Variants in ESRRG observed in about 807,000 individuals in gnomAD.
ESRRG encodes the protein estrogen related receptor gamma.
Under a neutral mutation model 44.0 loss-of-function variants are expected in ESRRG, and 13 were observed. The ratio of observed to expected loss-of-function variants is 0.30; its 90% CI spans 0.19 to 0.47. ESRRG has a LOEUF of 0.47. Ranked by LOEUF, ESRRG falls within the 20% of genes least tolerant of loss-of-function variation. The probability of loss-of-function intolerance (pLI) is 1.00; values close to 1 mark genes in which losing one functional copy is unlikely to be tolerated. For missense variants in ESRRG, 395 were observed against 580.6 expected, an observed-to-expected ratio of 0.68 and a Z score of 3.29; for synonymous variants, 215 against 214.6, an observed-to-expected ratio of 1.00 and a Z score of -0.02.
intron 3 of ESRRG, among the ~76,000 whole-genome samples, chr1:216,578,907 C>T (rs950451872): frequency 2.6e-5 from 4 of 152,042 alleles, no homozygotes; most frequent in Admixed American, 2.6e-4. Context: ...CTAGAGTTAA[C>T]AATTCAACTC....
At chr1:217,085,487 T>A (rs1208384827) in intron 1 of ESRRG, among the ~76,000 whole-genome samples, 8 of 118,880 alleles carry the variant, frequency 6.7e-5, no homozygotes, top group Non-Finnish European at 1.1e-4. Flanking sequence ...TTTCATTTTT[T>A]TTTTTTTTTT....
intron 1 of ESRRG, among the ~76,000 whole-genome samples, chr1:216,706,414 T>C (rs1251842670): frequency 6.6e-6 from 1 of 152,154 alleles, no homozygotes; most frequent in Non-Finnish European, 1.5e-5. Context: ...AACCATATGT[T>C]TACAGCCTTT....
intron 2 of ESRRG, among the ~76,000 whole-genome samples, chr1:216,654,015 T>C (rs1202115709): frequency 2.6e-5 from 4 of 151,272 alleles, no homozygotes; most frequent in African/African-American, 7.3e-5. Flanking sequence ...CCCAGCCTCT[T>C]GGAAGGTCGA....
intron 1 of ESRRG, among the ~76,000 whole-genome samples, chr1:216,967,082 G>A (rs779280209): frequency 1.9e-4 from 29 of 152,066 alleles, no homozygotes; most frequent in Non-Finnish European, 4.0e-4. Flanking sequence ...TTACTGTTTA[G>A]AGTAGTTTTG....
chr1:216,566,669 T>G (rs2059733461), intron 4 of ESRRG, among the ~76,000 whole-genome samples: 2 of 152,216 alleles, frequency 1.3e-5, no homozygotes. Context: ...TAGTGTTTAT[T>G]GCATATTATT....
chr1:217,046,385 C>T (rs1480837489), intron 1 of ESRRG, among the ~76,000 whole-genome samples: 1 of 152,120 alleles, frequency 6.6e-6, no homozygotes, highest in Non-Finnish European at 1.5e-5. Flanking sequence ...GCCAAGTACA[C>T]CTAAATTAGT....
chr1:216,544,537 G>A (rs868027589), intron 5 of ESRRG, among the ~76,000 whole-genome samples: 2 of 151,978 alleles, frequency 1.3e-5, no homozygotes, highest in Admixed American at 6.6e-5. Context: ...CTTAATCTGC[G>A]TTTCATATTT....
At chr1:216,568,213 T>G in intron 3 of ESRRG, 115 bp from the exon 4 acceptor site, 1 of 758,508 alleles carries the variant, frequency 1.3e-6, no homozygotes, top group Non-Finnish European at 2.3e-6. Context: ...GAATGCAGAA[T>G]GGACCAGGGG....
At chr1:216,689,139 T>C (rs2078589701) in intron 1 of ESRRG, among the ~76,000 whole-genome samples, 1 of 152,156 alleles carries the variant, frequency 6.6e-6, no homozygotes, top group African/African-American at 2.4e-5. Flanking sequence ...AAGATTAAAC[T>C]ATGCTCAGTA....
chr1:216,946,175 T>C (rs1388638826), intron 1 of ESRRG, among the ~76,000 whole-genome samples: 1 of 152,160 alleles, frequency 6.6e-6, no homozygotes, highest in African/African-American at 2.4e-5. Flanking sequence ...GAGATCTAAT[T>C]CATCTTTAGG....
chr1:217,136,113 A>G (rs1467389421), intron 1 of ESRRG, among the ~76,000 whole-genome samples: 2 of 151,964 alleles, frequency 1.3e-5, no homozygotes, highest in Admixed American at 1.3e-4. Flanking sequence ...CTTCTCCCCC[A>G]CCCAACAACT....
At chr1:216,562,883 G>A (rs533604045) in intron 5 of ESRRG, among the ~76,000 whole-genome samples, 4 of 152,226 alleles carry the variant, frequency 2.6e-5, no homozygotes, top group African/African-American at 9.6e-5. Flanking sequence ...CACTGTTGAA[G>A]TAAATTCTGG....
intron 2 of ESRRG, among the ~76,000 whole-genome samples, chr1:216,892,095 G>A (rs999675112): frequency 2.6e-5 from 4 of 152,040 alleles, no homozygotes; most frequent in Non-Finnish European, 4.4e-5. Context: ...ATGAGCCACC[G>A]TGCCTGGCTG....
intron 2 of ESRRG, among the ~76,000 whole-genome samples, chr1:216,910,884 GCATGTCTA>G (rs1184057804): frequency 6.6e-6 from 1 of 152,138 alleles, no homozygotes; most frequent in East Asian, 1.9e-4. Context: ...GAGACTATAG[GCATGTCTA>G]CATTAGAAAG....
chr1:216,579,940 G>T (rs146999815), intron 3 of ESRRG, among the ~76,000 whole-genome samples: 10 of 151,984 alleles, frequency 6.6e-5, no homozygotes, highest in African/African-American at 2.2e-4. Context: ...AATATAGACC[G>T]GCCTAACTGC....
At chr1:216,977,766 C>T (rs962834351) in intron 1 of ESRRG, among the ~76,000 whole-genome samples, 17 of 152,236 alleles carry the variant, frequency 1.1e-4, no homozygotes, top group Admixed American at 6.5e-4. Flanking sequence ...CATTTCACTG[C>T]CATTGTAATA....
At chr1:216,949,110 TTA>T (rs1361789503) in intron 1 of ESRRG, among the ~76,000 whole-genome samples, 1 of 152,108 alleles carries the variant, frequency 6.6e-6, no homozygotes, top group East Asian at 1.9e-4. Context: ...CTAGAATTTA[TTA>T]TGTTTCCTGT....
intron 2 of ESRRG, among the ~76,000 whole-genome samples, chr1:216,654,199 C>CTTATCTCA (rs2069806510): frequency 6.6e-6 from 1 of 151,668 alleles, no homozygotes; most frequent in Admixed American, 6.6e-5. Context: ...TTAGAATTTT[C>CTTATCTCA]TTATCTCAGG....
intron 1 of ESRRG, among the ~76,000 whole-genome samples, chr1:217,024,503 C>A (rs1244113408): frequency 6.6e-6 from 1 of 152,088 alleles, no homozygotes; most frequent in East Asian, 1.9e-4. Context: ...CCCACCCACA[C>A]CCACTCCAAT....
Sources: allele counts gnomAD v4.1 joint callset (sites outside exome capture counted in the v4.1 genomes callset), GRCh38; gene constraint gnomAD v4.1.1; transcripts MANE v1.5; gene names NCBI Gene and HGNC (gene_info 2026-07-23, HGNC 2026-07-21).